KCNN4: variants seen among roughly 807,000 people sequenced by gnomAD.
The protein encoded by KCNN4 is potassium calcium-activated channel subfamily N member 4, also known as intermediate conductance calcium-activated potassium channel protein 4.
Under a neutral mutation model 45.2 loss-of-function variants are expected in KCNN4, and 31 were observed. That is an observed-to-expected ratio of 0.69 (90% CI 0.52 to 0.92). The LOEUF (loss-of-function observed/expected upper bound fraction) is 0.92. Ranked by LOEUF, KCNN4 falls within the 40% of genes least tolerant of loss-of-function variation. The pLI is 0.00. For synonymous variants in KCNN4, 231 were observed against 254.6 expected, an observed-to-expected ratio of 0.91 and a Z score of 0.88; for missense variants, 463 against 574.0, an observed-to-expected ratio of 0.81 and a Z score of 1.98.
chr19:43,773,117 G>A (rs958718294), intron 3 of KCNN4, among the ~76,000 whole-genome samples: 3 of 152,228 alleles, frequency 2.0e-5, no homozygotes, highest in South Asian at 2.1e-4. Flanking sequence ...TGGGCAACAC[G>A]GTAACGTGGT....
Position 43,772,135 on chromosome 19 carries a change from C to T in KCNN4, c.684G>A (p.Arg228=), listed in dbSNP as rs778588492. The change falls in exon 4 of 9, where the codon AGG becomes AGA. Residue 228 remains arginine (R), a splice_region_variant and synonymous_variant. Transcript: ENST00000648319. The surrounding 1 kb of genome is among the most constrained non-coding windows in gnomAD (Gnocchi z 4.4). ...GGTGCCCAGTGGCATTAACAGCCTG[C>T]CTATGGGGAAGGGTAGGTTAGTTCT... is the stretch of plus-strand genomic sequence containing the variant. The part of the protein sequence containing the change: ...TTAWVLSVAE[R]QAVNATGHLS... 19 of 1,613,324 alleles carry T rather than the reference C, an allele frequency of 1.2e-5. No individual in the cohort carries two copies. Among genetic ancestry groups the T allele is most frequent in the African/African-American group, 1.1e-4 (8 of 74,986 alleles).
Position 43,774,500 on chromosome 19 carries a change from C to T in KCNN4, c.375G>A (p.Pro125=), listed in dbSNP as rs199672721. The T allele has an allele frequency of 1.9e-6, 3 of 1,596,772 alleles. No homozygotes were observed. The highest frequency in any genetic ancestry group is 2.6e-6 in the Non-Finnish European group (3 of 1,173,384). The change falls in exon 3 of 9, where the codon CCG becomes CCA. Residue 125 remains proline, a synonymous_variant. Coordinates refer to ENST00000648319, the MANE Select transcript of KCNN4 (RefSeq NM_002250.3). This position sits in a 1 kb window ranked among gnomAD's most constrained non-coding sequence, Gnocchi z 5.6. ...CGLHPAPVRG[P]PCVQDLGAPL... ...GCGCCCCTAAATCCTGCACGCACGG[C>T]GGGCCCCGCACGGGCGCCGGGTGCA...
In KCNN4 at chr19:43,774,460, G is replaced by A; in HGVS notation, c.415C>T (p.Gln139Ter). ...TGGCCCAGGAATCCCGGCCAGGGCT[G>A]CGGGGAGGTCAGCGGCGCCCCTAAA... Reference protein sequence around the residue: ...QDLGAPLTSPQPWPGFLGQGE... With the variant: ...QDLGAPLTSP Residue 139 changes from glutamine (Q) to a stop codon, truncating the protein, a stop_gained, in exon 3 of 9, where the codon CAG becomes TAG. Coordinates refer to ENST00000648319, the MANE Select transcript of KCNN4 (RefSeq NM_002250.3). LOFTEE classifies it high-confidence loss of function. This position sits in a 1 kb window ranked among gnomAD's most constrained non-coding sequence, Gnocchi z 5.6. The A allele has an allele frequency of 6.3e-7, 1 of 1,595,262 alleles. No homozygotes were observed. Among genetic ancestry groups the A allele is most frequent in the Non-Finnish European group, 8.5e-7 (1 of 1,171,036 alleles).
chr19:43,780,073 G>C, intron 1 of KCNN4, among the ~76,000 whole-genome samples: 1 of 151,908 alleles, frequency 6.6e-6, no homozygotes, highest in East Asian at 1.9e-4. Context: ...GCCGCCTACT[G>C]GAAGAACTTT....
At chr19:43,777,915 G>A (rs1969859929) in intron 1 of KCNN4, among the ~76,000 whole-genome samples, 1 of 152,086 alleles carries the variant, frequency 6.6e-6, no homozygotes, top group South Asian at 2.1e-4. Flanking sequence ...AGGGGAAGAG[G>A]GCCAGTTTCC....
At chr19:43,776,127 C>CA (rs59704354) in intron 2 of KCNN4, among the ~76,000 whole-genome samples, 514 of 40,962 alleles carry the variant, frequency 0.013, 36 homozygotes, top group African/African-American at 0.029. Context: ...GACCTTGTCT[C>CA]AAAAAAAAAA....
rs2146456696 is a variant in KCNN4, at chr19:43,774,778, G to C, written c.256-159C>G. Among the ~76,000 whole-genome samples, 1 of 152,296 alleles carries C rather than the reference G, an allele frequency of 6.6e-6. No individual in the cohort carries two copies. Among genetic ancestry groups the C allele is most frequent in the South Asian group, 2.1e-4 (1 of 4,830 alleles). On this transcript the variant is annotated intron_variant, in intron 2 of 8. Coordinates refer to ENST00000648319, the MANE Select transcript of KCNN4 (RefSeq NM_002250.3). This position sits in a 1 kb window ranked among gnomAD's most constrained non-coding sequence, Gnocchi z 5.6. ...AGAGGGATAGGGAGGGAGCGGGACA[G>C]GACTTGAGGAAGACATCTTTCCACT...
chr19:43,767,269 G>T, intron 8 of KCNN4, 180 bp from the exon 9 acceptor site: 1 of 431,382 alleles, frequency 2.3e-6, no homozygotes, highest in Non-Finnish European at 4.3e-6. Context: ...TGGACAGCCA[G>T]ACAATGTGCC....
rs1175284363 is a variant in KCNN4 at position 43,771,924 on chromosome 19, T to C, written c.819+76A>G. On this transcript the variant is annotated intron_variant, in intron 4 of 8. Coordinates refer to ENST00000648319, the MANE Select transcript of KCNN4 (RefSeq NM_002250.3). The stretch of plus-strand genomic sequence containing the variant: ...TCCCTGAGAGCCTGTGTTGAACCCA[T>C]TTAATCATGGCTTCCTGGGGCCAGA... 4.0e-6 allele frequency: 6 copies of C among 1,500,336 alleles called. No individual in the cohort carries two copies. In the East Asian group the frequency reaches 1.2e-4, roughly 30 times the overall value. 92.9% of individuals were successfully genotyped at this position (1,500,336 alleles called of 1,614,324 possible).
Position 43,774,828 on chromosome 19 carries a change from C to T in KCNN4, c.256-209G>A, listed in dbSNP as rs1969752731. ...TTTTTCCTCCTTCCCCACCACCCAC[C>T]CCACTAGTTTCAGCCCACTTCCAGC... On this transcript the variant is annotated intron_variant, in intron 2 of 8. Coordinates refer to ENST00000648319, the MANE Select transcript of KCNN4 (RefSeq NM_002250.3). The surrounding 1 kb of genome is among the most constrained non-coding windows in gnomAD (Gnocchi z 5.6). Among the ~76,000 whole-genome samples, 1 of 152,140 alleles carries T rather than the reference C, an allele frequency of 6.6e-6. No individual in the cohort carries two copies. The highest frequency in any genetic ancestry group is 2.4e-5 in the African/African-American group (1 of 41,420).
chr19:43,771,983 A>T lies in KCNN4; in HGVS notation c.819+17T>A. On this transcript the variant is annotated intron_variant, in intron 4 of 8. Transcript: ENST00000648319. ...AGTTTGGGATAGGGATCATGTCCCC[A>T]AGGCAGCTGTACTCACCATGACTCC... The T allele has an allele frequency of 1.9e-6, 3 of 1,586,694 alleles. No homozygotes were observed. The highest frequency in any genetic ancestry group is 3.7e-5 in the Admixed American group (2 of 53,842).
intron 2 of KCNN4, among the ~76,000 whole-genome samples, chr19:43,775,052 G>A (rs1969760863): frequency 6.6e-6 from 1 of 152,228 alleles, no homozygotes; most frequent in South Asian, 2.1e-4. Flanking sequence ...TGGGCCGGGC[G>A]CGATGGCTTA....
At chr19:43,780,629 C>T in intron 1 of KCNN4, 74 bp downstream of exon 1, 1 of 859,172 alleles carries the variant, frequency 1.2e-6, no homozygotes. Flanking sequence ...CCCTCAGACC[C>T]AAGAGTCCTG....
intron 2 of KCNN4, among the ~76,000 whole-genome samples, chr19:43,776,333 A>T (rs1376733403): frequency 6.6e-6 from 1 of 150,732 alleles, no homozygotes; most frequent in Non-Finnish European, 1.5e-5. Flanking sequence ...GGGGCTGGGG[A>T]CTACAGGGGA....
chr19:43,780,964 T>A lies in KCNN4; in HGVS notation c.-103A>T. 7 of 1,187,858 alleles carry A rather than the reference T, an allele frequency of 5.9e-6. No homozygotes were observed. The highest frequency in any genetic ancestry group is 8.5e-6 in the Non-Finnish European group (7 of 827,640). The allele number at this position is 1,187,858 out of a possible 1,614,324, so 73.6% of individuals were successfully genotyped here. A position where few individuals can be genotyped will look rare whatever the true frequency, so the allele number is the denominator to read the frequency against. On this transcript the variant is annotated 5_prime_UTR_variant, in exon 1 of 9. Coordinates refer to ENST00000648319, the MANE Select transcript of KCNN4 (RefSeq NM_002250.3). ...TGGCTTGCAGGTCGTCAGCCTGCTCTGCTGGCTCTGGGACTTTTGCTCTGA... is the reference window on the plus strand; with the variant it reads ...TGGCTTGCAGGTCGTCAGCCTGCTCAGCTGGCTCTGGGACTTTTGCTCTGA...
chr19:43,772,217 C>G lies in KCNN4; in HGVS notation c.684-82G>C, dbSNP rs890495616. The G allele has an allele frequency of 6.0e-6, 9 of 1,492,310 alleles. No individual in the cohort carries two copies. Among genetic ancestry groups the G allele is most frequent in the Non-Finnish European group, 7.3e-6 (8 of 1,099,076 alleles). The allele number at this position is 1,492,310 out of a possible 1,614,324, so 92.4% of individuals were successfully genotyped here. A position where few individuals can be genotyped will look rare whatever the true frequency, so the allele number is the denominator to read the frequency against. Reference sequence around the variant, plus strand: ...CACTCCCCTTCCCTCTATACCCTCCCATCCCCTTCCCTCTGGTTCCCTCCC... The same window carrying G: ...CACTCCCCTTCCCTCTATACCCTCCGATCCCCTTCCCTCTGGTTCCCTCCC... On this transcript the variant is annotated intron_variant, in intron 3 of 8. Transcript: ENST00000648319. This position sits in a 1 kb window ranked among gnomAD's most constrained non-coding sequence, Gnocchi z 4.4.
chr19:43,775,272 A>G (rs2146457885), intron 2 of KCNN4, among the ~76,000 whole-genome samples: 1 of 152,334 alleles, frequency 6.6e-6, no homozygotes, highest in African/African-American at 2.4e-5. Flanking sequence ...GGTTGCAGTG[A>G]GCTGAGGTCA....
intron 4 of KCNN4, among the ~76,000 whole-genome samples, chr19:43,771,033 T>G (rs1213950264): frequency 1.3e-5 from 2 of 152,130 alleles, no homozygotes; most frequent in African/African-American, 4.8e-5. Context: ...TAGGCCCACA[T>G]CTGGGCTAGG....
chr19:43,770,556 T>C (rs1463411191), intron 4 of KCNN4, among the ~76,000 whole-genome samples: 1 of 152,214 alleles, frequency 6.6e-6, no homozygotes, highest in Non-Finnish European at 1.5e-5. Context: ...TTTCAGCTCT[T>C]GATCACTCAG....
Sources: allele counts gnomAD v4.1 joint callset (sites outside exome capture counted in the v4.1 genomes callset), GRCh38; gene constraint gnomAD v4.1.1; non-coding constraint Gnocchi (gnomAD v3.1); transcripts MANE v1.5; gene names NCBI Gene and HGNC (gene_info 2026-07-23, HGNC 2026-07-21).